The following C6orf141 variants were observed in gnomAD, a reference collection of about 807,000 sequenced individuals.
C6orf141 encodes chromosome 6 open reading frame 141, also known as uncharacterized protein C6orf141.
For synonymous variants in C6orf141, 164 were observed against 140.5 expected (o/e 1.17, Z -1.18); for missense variants, 361 against 335.8 (o/e 1.07, Z -0.59).
chr6:49,554,405 G>A (rs1362101850), downstream of C6orf141, among the ~76,000 whole-genome samples: 1 of 60,816 alleles, frequency 1.6e-5, no homozygotes, highest in East Asian at 7.1e-4. Flanking sequence ...TTTTGAGACA[G>A]AGTCTTGCTC....
Position 49,551,284 on chromosome 6 carries a change from T to C in C6orf141, c.492T>C (p.Asp164=). 3 of 1,551,476 alleles carry C rather than the reference T, an allele frequency of 1.9e-6. No individual in the cohort carries two copies. Among genetic ancestry groups the C allele is most frequent in the Non-Finnish European group, 2.6e-6 (3 of 1,146,938 alleles). Reference sequence around the variant, plus strand: ...AATACGTGCTTGTGCGGGTGGAGGATTATCAGGTAACACAAGAAGTGTTGC... The same window carrying C: ...AATACGTGCTTGTGCGGGTGGAGGACTATCAGGTAACACAAGAAGTGTTGC... ...PPKYVLVRVE[D]YQVTQEVLQT... is the part of the protein sequence containing the mutation. Residue 164 remains aspartate, a synonymous_variant, in exon 1 of 1, where the codon GAT becomes GAC. Coordinates refer to ENST00000529246, the MANE Select transcript of C6orf141 (RefSeq NM_001145652.2).
At chr6:49,559,233 T>A in intron 4 of C6orf141, among the ~76,000 whole-genome samples, 1 of 99,248 alleles carries the variant, frequency 1.0e-5, no homozygotes, top group African/African-American at 3.9e-5. Flanking sequence ...TATATATATA[T>A]TCAGTCTTTC....
At chr6:49,555,602 G>A (rs924749011), downstream of C6orf141, among the ~76,000 whole-genome samples, 4 of 146,616 alleles carry the variant, frequency 2.7e-5, no homozygotes, top group Admixed American at 1.4e-4. Flanking sequence ...TCTGCCTCCC[G>A]GGTTCATGCC....
chr6:49,555,776 GTGATTACA>G (rs1771802379), downstream of C6orf141, among the ~76,000 whole-genome samples: 4 of 152,122 alleles, frequency 2.6e-5, no homozygotes, highest in Admixed American at 2.6e-4. Context: ...CCAAAGTGCT[GTGATTACA>G]GGCGTGAGCC....
At chr6:49,560,505 C>T (rs1773094164) in intron 4 of C6orf141, 1 of 152,162 alleles carries the variant, frequency 6.6e-6, no homozygotes, top group Admixed American at 6.6e-5. Context: ...TAAAGCCAGA[C>T]TAAAAGTCTT....
downstream of C6orf141, chr6:49,555,123 G>A (rs879528995): frequency 9.2e-5 from 14 of 152,200 alleles, no homozygotes; most frequent in Non-Finnish European, 1.3e-4. Flanking sequence ...GTGACCATAA[G>A]ATAAATGTCA....
downstream of C6orf141, among the ~76,000 whole-genome samples, chr6:49,553,648 G>A (rs116637241): frequency 6.0e-3 from 912 of 152,240 alleles, 10 homozygotes; most frequent in African/African-American, 0.02. Flanking sequence ...AATTTCTGGC[G>A]TTCAGCTGCT....
chr6:49,551,099 G>A lies in C6orf141; in HGVS notation c.307G>A (p.Gly103Arg), dbSNP rs1770372903. 2 of 1,551,578 alleles carry A rather than the reference G, an allele frequency of 1.3e-6. No individual in the cohort carries two copies. The highest frequency in any genetic ancestry group is 1.4e-5 in the African/African-American group (1 of 73,056). The change falls in exon 1 of 1, where the codon GGG (glycine) becomes AGG (arginine). Residue 103 changes from glycine to arginine, a missense_variant. By Grantham distance (125) the Gly-to-Arg change is moderately radical. Coordinates refer to ENST00000529246, the MANE Select transcript of C6orf141 (RefSeq NM_001145652.2). ...LHPERWLGTRGDPAREEVAGA... is the reference protein window; with the variant it reads ...LHPERWLGTRRDPAREEVAGA... ...CCCAGAGAGGTGGTTAGGGACTCGA[G>A]GGGACCCTGCACGGGAAGAGGTGGC...
At chr6:49,556,411 A>C (rs1771947185), downstream of C6orf141, among the ~76,000 whole-genome samples, 1 of 152,236 alleles carries the variant, frequency 6.6e-6, no homozygotes, top group South Asian at 2.1e-4. Flanking sequence ...ATCTCTATGA[A>C]GCTTTATAGT....
chr6:49,557,600 AT>A (rs1772209000), intron 4 of C6orf141, among the ~76,000 whole-genome samples: 1 of 152,172 alleles, frequency 6.6e-6, no homozygotes, highest in African/African-American at 2.4e-5. Flanking sequence ...AGATCCAGGT[AT>A]GTCTTTCTTG....
Position 49,550,962 on chromosome 6 carries a change from G to GC in C6orf141, c.172dup (p.Gln58ProfsTer25), listed in dbSNP as rs970108255. 4 of 1,550,132 alleles carry GC rather than the reference G, an allele frequency of 2.6e-6. No individual in the cohort carries two copies. The African/African-American group carries it at 5.5e-5, about 21-fold the overall frequency. On this transcript the variant is annotated frameshift_variant and NMD_transcript_variant, in exon 1 of 5. Transcript: ENST00000371194. ...CCCGCGACGGCAGGGGCGAGCCGAA[G>GC]CCAGGGCGGCGGCCACGAGGACAGA... is the stretch of plus-strand genomic sequence containing the variant.
chr6:49,554,625 G>A (rs1159774312), downstream of C6orf141, among the ~76,000 whole-genome samples: 2 of 151,984 alleles, frequency 1.3e-5, no homozygotes, highest in East Asian at 1.9e-4. Context: ...CTTGTGATGC[G>A]CCCGCCTCGG....
chr6:49,558,404 GAAA>G (rs10716612), intron 4 of C6orf141, among the ~76,000 whole-genome samples: 13 of 135,232 alleles, frequency 9.6e-5, no homozygotes, highest in South Asian at 2.4e-4. Context: ...CCCTGAGTTG[GAAA>G]AAAAAAAAAA....
chr6:49,558,134 C>T (rs1345147126), intron 4 of C6orf141, among the ~76,000 whole-genome samples: 2 of 143,234 alleles, frequency 1.4e-5, no homozygotes, highest in South Asian at 2.2e-4. Flanking sequence ...AAACTTCTGG[C>T]CTCAATGATC....
intron 4 of C6orf141, among the ~76,000 whole-genome samples, chr6:49,557,282 A>G (rs981051938): frequency 1.3e-5 from 2 of 152,194 alleles, no homozygotes; most frequent in Non-Finnish European, 2.9e-5. Context: ...ATAAATAAAC[A>G]GAACAAGAGT....
downstream of C6orf141, among the ~76,000 whole-genome samples, chr6:49,553,570 CAA>C (rs1030202830): frequency 1.3e-5 from 2 of 151,922 alleles, no homozygotes; most frequent in African/African-American, 4.8e-5. Flanking sequence ...ATATAGAGAA[CAA>C]AAAAAGTCTC....
At chr6:49,560,130 A>G (rs886511451) in intron 4 of C6orf141, among the ~76,000 whole-genome samples, 2 of 152,148 alleles carry the variant, frequency 1.3e-5, no homozygotes, top group Non-Finnish European at 2.9e-5. Context: ...CCTGACTAAC[A>G]TGGTGAAACC....
chr6:49,556,545 A>T (rs944188001), downstream of C6orf141, among the ~76,000 whole-genome samples: 2 of 152,250 alleles, frequency 1.3e-5, no homozygotes, highest in Admixed American at 6.5e-5. Context: ...ATAATACATT[A>T]TAAAAAACTC....
downstream of C6orf141, chr6:49,552,903 A>C (rs929580740): frequency 6.6e-6 from 1 of 152,154 alleles, no homozygotes; most frequent in Non-Finnish European, 1.5e-5. Flanking sequence ...AAGATGCCTG[A>C]GGATATCCTA....
Sources: gnomAD v4.1 joint callset for allele counts (sites outside exome capture counted in the v4.1 genomes callset) on GRCh38, gnomAD v4.1.1 for gene constraint, MANE v1.5 for transcripts, NCBI Gene and HGNC (gene_info 2026-07-23, HGNC 2026-07-21) for gene names.